UST: variants seen among roughly 807,000 people sequenced by gnomAD.
UST encodes the protein uronyl 2-sulfotransferase, also known as chondroitin sulfate 2-O-sulfotransferase.
In UST, 21 loss-of-function variants were observed where a neutral mutation model predicts 45.6. The ratio of observed to expected loss-of-function variants is 0.46; its 90% CI spans 0.33 to 0.66. UST has a LOEUF of 0.66. Among genes scored for constraint, UST ranks in the 30% least tolerant of loss-of-function variants. UST has a pLI of 0.02. For missense variants in UST, 463 were observed against 512.4 expected (o/e 0.90, Z 0.93); for synonymous variants, 215 against 200.6 (o/e 1.07, Z -0.61).
intron 1 of UST, among the ~76,000 whole-genome samples, chr6:148,759,732 C>CAGTA (rs956272608): frequency 1.2e-4 from 18 of 149,188 alleles, no homozygotes; most frequent in African/African-American, 4.2e-4. Context: ...CTTGTAGCCC[C>CAGTA]AGCTACTCGG....
At chr6:148,963,708 T>C (rs1185219521) in intron 4 of UST, among the ~76,000 whole-genome samples, 4 of 152,240 alleles carry the variant, frequency 2.6e-5, no homozygotes, top group Non-Finnish European at 5.9e-5. Context: ...TAGAGCCAGA[T>C]TGCCTGGACC....
intron 5 of UST, among the ~76,000 whole-genome samples, chr6:149,002,483 A>G (rs1020067541): frequency 6.6e-6 from 1 of 152,114 alleles, no homozygotes; most frequent in Non-Finnish European, 1.5e-5. Flanking sequence ...AACATGATAC[A>G]TTTTTATTTT....
chr6:148,863,314 C>T (rs1439383474), intron 1 of UST, among the ~76,000 whole-genome samples: 1 of 152,156 alleles, frequency 6.6e-6, no homozygotes, highest in Non-Finnish European at 1.5e-5. Context: ...GTGCATGCAT[C>T]ACGTAGTTCT....
chr6:149,061,291 G>A (rs1438461374), intron 7 of UST, among the ~76,000 whole-genome samples: 1 of 152,158 alleles, frequency 6.6e-6, no homozygotes, highest in Non-Finnish European at 1.5e-5. Context: ...CCCAGGAACA[G>A]GTCTGTGATT....
chr6:149,067,160 G>T (rs1776743997), intron 7 of UST, among the ~76,000 whole-genome samples: 1 of 152,152 alleles, frequency 6.6e-6, no homozygotes, highest in South Asian at 2.1e-4. Context: ...CCAAGAACAG[G>T]CAATAGTTTG....
chr6:149,013,440 C>CATTTG (rs1454741929), intron 5 of UST, among the ~76,000 whole-genome samples: 1 of 151,808 alleles, frequency 6.6e-6, no homozygotes, highest in Non-Finnish European at 1.5e-5. Context: ...GCAGAAAAAT[C>CATTTG]ATTTGAACCC....
chr6:148,866,338 C>T (rs767421891), intron 1 of UST, among the ~76,000 whole-genome samples: 1 of 152,032 alleles, frequency 6.6e-6, no homozygotes, highest in Non-Finnish European at 1.5e-5. Context: ...AACCAGTAGT[C>T]GGGGGTAGAT....
intron 1 of UST, among the ~76,000 whole-genome samples, chr6:148,764,021 A>G (rs1413179589): frequency 6.6e-6 from 1 of 152,118 alleles, no homozygotes; most frequent in Non-Finnish European, 1.5e-5. Context: ...GTTTTTTCTA[A>G]TTCTGTGAAA....
chr6:148,991,279 G>A lies in UST; in HGVS notation c.681+26716G>A, dbSNP rs545835387. Among the ~76,000 whole-genome samples, 28 of 152,184 alleles carry A rather than the reference G, an allele frequency of 1.8e-4. No individual in the cohort carries two copies. In the South Asian group the frequency reaches 4.8e-3, roughly 26 times the overall value. On this transcript the variant is annotated intron_variant, in intron 5 of 7. Transcript: ENST00000367463. ...ACCAACTTAAAGTTTGCAAATGTTC[G>A]TTTTTGAATGTAGGCAACAAACAGT...
intron 5 of UST, among the ~76,000 whole-genome samples, chr6:149,017,797 TATACACACAC>T (rs1254180785): frequency 1.5e-3 from 87 of 59,444 alleles, no homozygotes; most frequent in Middle Eastern, 6.7e-3. Context: ...AATATCCATA[TATACACACAC>T]ACACACACAC....
At chr6:148,922,519 C>T (rs1247624273) in intron 2 of UST, among the ~76,000 whole-genome samples, 7 of 144,340 alleles carry the variant, frequency 4.8e-5, no homozygotes, top group African/African-American at 7.8e-5. Flanking sequence ...GTCGGAGTCT[C>T]GCTCTGTCCC....
At chr6:148,963,425 A>C (rs895976631) in intron 4 of UST, among the ~76,000 whole-genome samples, 1 of 152,186 alleles carries the variant, frequency 6.6e-6, no homozygotes, top group Non-Finnish European at 1.5e-5. Flanking sequence ...AAGCAGTTCA[A>C]AGAGAAAAAG....
At chr6:148,968,001 T>G (rs1190220918) in intron 5 of UST, among the ~76,000 whole-genome samples, 1 of 152,146 alleles carries the variant, frequency 6.6e-6, no homozygotes, top group Non-Finnish European at 1.5e-5. Flanking sequence ...GGATGAGGAC[T>G]CTCTCATTTT....
intron 5 of UST, among the ~76,000 whole-genome samples, chr6:149,004,975 G>T (rs1176721103): frequency 1.3e-5 from 2 of 151,106 alleles, no homozygotes; most frequent in African/African-American, 2.4e-5. Context: ...TGGGACTACA[G>T]TAGGCATGAA....
chr6:149,039,504 A>G (rs1459687621), intron 7 of UST, among the ~76,000 whole-genome samples: 1 of 152,040 alleles, frequency 6.6e-6, no homozygotes, highest in Non-Finnish European at 1.5e-5. Flanking sequence ...GGGATTATAC[A>G]TGTGTATTTC....
At chr6:148,759,992 A>G (rs1414119033) in intron 1 of UST, among the ~76,000 whole-genome samples, 2 of 152,154 alleles carry the variant, frequency 1.3e-5, no homozygotes, top group Non-Finnish European at 2.9e-5. Context: ...GAAAGAGACA[A>G]GAGGTCATAT....
At chr6:148,913,499 G>C (rs1172985828) in intron 2 of UST, among the ~76,000 whole-genome samples, 1 of 121,704 alleles carries the variant, frequency 8.2e-6, no homozygotes, top group Non-Finnish European at 1.6e-5. Context: ...ATGTATTTCT[G>C]TTGATTTACA....
At chr6:148,822,514 CTG>C (rs1226515548) in intron 1 of UST, among the ~76,000 whole-genome samples, 2 of 152,066 alleles carry the variant, frequency 1.3e-5, no homozygotes, top group African/African-American at 4.8e-5. Context: ...GAGAAAGAGA[CTG>C]AATGTATAGA....
At chr6:148,924,911 G>T (rs989793099) in intron 2 of UST, among the ~76,000 whole-genome samples, 1 of 152,160 alleles carries the variant, frequency 6.6e-6, no homozygotes, top group African/African-American at 2.4e-5. Flanking sequence ...AAAAGCAGGC[G>T]TGACTATGCC....
Sources: allele counts gnomAD v4.1 joint callset (sites outside exome capture counted in the v4.1 genomes callset), GRCh38; gene constraint gnomAD v4.1.1; transcripts MANE v1.5; gene names NCBI Gene and HGNC (gene_info 2026-07-23, HGNC 2026-07-21).